The following PAH variants were observed in gnomAD, a reference collection of about 807,000 sequenced individuals.
PAH encodes the protein phenylalanine-4-hydroxylase.
A neutral mutation model predicts 62.0 loss-of-function variants in PAH; 64 were observed. The observed-to-expected ratio is 1.03, with a 90% CI of 0.84 to 1.27. The LOEUF is 1.27. PAH is among the 50% of genes most tolerant of loss of function. The pLI is 0.00. For synonymous variants in PAH, 195 were observed against 196.2 expected (o/e 0.99, Z 0.05); for missense variants, 579 against 542.8 (o/e 1.07, Z -0.66).
chr12:102,866,596 T>C lies in PAH; in HGVS notation c.509A>G (p.His170Arg), dbSNP rs199475573. The change falls in exon 5 of 13, where the codon CAT becomes CGT. Residue 170 changes from histidine to arginine, a missense_variant and splice_region_variant. By Grantham distance (29) the His-to-Arg change is conservative. Transcript: ENST00000553106. ...QFADIAYNYR[H>R]GQPIPRVEYM... is the part of the protein sequence containing the mutation. Reference sequence around the variant, plus strand: ...CCCTCAACAAGCAAGGCAGACTTACTGGCGGTAGTTGTAGGCAATGTCAGC... The same window carrying C: ...CCCTCAACAAGCAAGGCAGACTTACCGGCGGTAGTTGTAGGCAATGTCAGC... 13 of 1,612,490 alleles carry C rather than the reference T, an allele frequency of 8.1e-6. No individual in the cohort carries two copies. Among genetic ancestry groups the C allele is most frequent in the Non-Finnish European group, 1.1e-5 (13 of 1,178,560 alleles).
intron 1 of PAH, among the ~76,000 whole-genome samples, chr12:102,926,696 A>T (rs1878692901): frequency 1.3e-5 from 2 of 152,162 alleles, no homozygotes; most frequent in African/African-American, 4.8e-5. Context: ...AAACAAAATT[A>T]TGTAAATTTG....
intron 5 of PAH, among the ~76,000 whole-genome samples, chr12:102,856,399 C>T (rs1381053543): frequency 1.3e-5 from 2 of 152,222 alleles, no homozygotes; most frequent in South Asian, 2.1e-4. Flanking sequence ...TAGACTCCAC[C>T]TCTGGGGGCA....
chr12:102,877,152 A>G, intron 4 of PAH: 1 of 412,924 alleles, frequency 2.4e-6, no homozygotes, highest in South Asian at 2.1e-5. Flanking sequence ...AAACCTCCAT[A>G]GATGTACACA....
At chr12:102,844,701 C>T (rs1277221860) in intron 9 of PAH, among the ~76,000 whole-genome samples, 3 of 152,170 alleles carry the variant, frequency 2.0e-5, no homozygotes, top group Non-Finnish European at 4.4e-5. Context: ...TTCTATCTCT[C>T]TTGGAACCAG....
chr12:102,883,497 G>A (rs1876907433), intron 3 of PAH, among the ~76,000 whole-genome samples: 1 of 152,166 alleles, frequency 6.6e-6, no homozygotes, highest in African/African-American at 2.4e-5. Flanking sequence ...CCTCTTGGTA[G>A]GAGAAACAAG....
At chr12:102,917,361 G>C (rs181966604), upstream of PAH, 442 of 560,098 alleles carry the variant, frequency 7.9e-4, 2 homozygotes, top group Middle Eastern at 4.8e-3. Context: ...TGCCCAGGAC[G>C]GGCCGGAGGG....
At chr12:102,928,157 T>A (rs1226996255) in intron 1 of PAH, among the ~76,000 whole-genome samples, 1 of 152,154 alleles carries the variant, frequency 6.6e-6, no homozygotes, top group Non-Finnish European at 1.5e-5. Context: ...AATTTTTTAA[T>A]GTTTAATATA....
chr12:102,941,959 C>T (rs1371403635), intron 1 of PAH, among the ~76,000 whole-genome samples: 1 of 152,114 alleles, frequency 6.6e-6, no homozygotes. Flanking sequence ...TATGATGAAT[C>T]CACAGCCAAC....
intron 2 of PAH, among the ~76,000 whole-genome samples, chr12:102,910,842 C>G (rs1287444703): frequency 6.6e-6 from 1 of 151,690 alleles, no homozygotes; most frequent in Non-Finnish European, 1.5e-5. Flanking sequence ...ACCCACGCAG[C>G]CTTCCCCTCC....
upstream of PAH, among the ~76,000 whole-genome samples, chr12:102,951,999 A>G (rs145585948): frequency 5.4e-3 from 821 of 152,198 alleles, 6 homozygotes; most frequent in African/African-American, 0.018. Context: ...TCCAGTTGTC[A>G]TATTAATTAT....
At chr12:102,861,797 C>T (rs1490672603) in intron 5 of PAH, among the ~76,000 whole-genome samples, 1 of 151,736 alleles carries the variant, frequency 6.6e-6, no homozygotes, top group Middle Eastern at 3.2e-3. Context: ...CACTTGGACA[C>T]AGGAAGGGGA....
At chr12:102,939,871 G>C (rs1257086696) in intron 1 of PAH, among the ~76,000 whole-genome samples, 5 of 152,190 alleles carry the variant, frequency 3.3e-5, no homozygotes, top group Non-Finnish European at 7.4e-5. Context: ...CAGGGCTGCA[G>C]TGTGCAGCCT....
chr12:102,906,998 G>A (rs557837117), intron 2 of PAH, among the ~76,000 whole-genome samples: 20 of 152,304 alleles, frequency 1.3e-4, no homozygotes, highest in African/African-American at 4.8e-4. Flanking sequence ...GAATGATCAG[G>A]ATAGAGGAGA....
At chr12:102,942,549 G>A (rs1030351338) in intron 1 of PAH, among the ~76,000 whole-genome samples, 1 of 151,696 alleles carries the variant, frequency 6.6e-6, no homozygotes, top group Non-Finnish European at 1.5e-5. Flanking sequence ...TTTTTTCACA[G>A]AATAAGAAGA....
chr12:102,867,552 T>C (rs968036796), intron 4 of PAH, among the ~76,000 whole-genome samples: 1 of 152,160 alleles, frequency 6.6e-6, no homozygotes, highest in Non-Finnish European at 1.5e-5. Context: ...GAGACTGATA[T>C]CATTTCCGTA....
At chr12:102,919,524 A>T (rs907709161), upstream of PAH, among the ~76,000 whole-genome samples, 2 of 152,160 alleles carry the variant, frequency 1.3e-5, no homozygotes, top group African/African-American at 4.8e-5. Flanking sequence ...TGTACTATCA[A>T]ATACTAGGTC....
chr12:102,947,738 A>G (rs572326370), intron 1 of PAH, among the ~76,000 whole-genome samples: 1 of 152,342 alleles, frequency 6.6e-6, no homozygotes, highest in African/African-American at 2.4e-5. Flanking sequence ...GGGTGACTGT[A>G]TTAGTCTGGG....
At chr12:102,941,382 A>G (rs1422814577) in intron 1 of PAH, among the ~76,000 whole-genome samples, 1 of 152,208 alleles carries the variant, frequency 6.6e-6, no homozygotes, top group Non-Finnish European at 1.5e-5. Flanking sequence ...ATACAGAAGC[A>G]AGACCAAACT....
chr12:102,881,362 A>T (rs1876806333), intron 3 of PAH, among the ~76,000 whole-genome samples: 1 of 151,664 alleles, frequency 6.6e-6, no homozygotes, highest in South Asian at 2.1e-4. Flanking sequence ...TAAAATTATA[A>T]ATACAATGTA....
Sources: gnomAD v4.1 joint callset for allele counts (sites outside exome capture counted in the v4.1 genomes callset) on GRCh38, gnomAD v4.1.1 for gene constraint, MANE v1.5 for transcripts, NCBI Gene and HGNC (gene_info 2026-07-23, HGNC 2026-07-21) for gene names.